The following ERGIC2 variants were observed in gnomAD, a reference collection of about 807,000 sequenced individuals.
ERGIC2 encodes endoplasmic reticulum-Golgi intermediate compartment protein 2.
ERGIC2 carries 31 observed loss-of-function variants against 52.5 expected under a neutral mutation model. The observed-to-expected ratio is 0.59, with a 90% CI of 0.44 to 0.80. The LOEUF (loss-of-function observed/expected upper bound fraction) is 0.80, where lower values mean the gene tolerates loss of function less well. Ranked by LOEUF, ERGIC2 falls within the 30% of genes least tolerant of loss-of-function variation. ERGIC2 has a pLI of 0.00. For synonymous variants in ERGIC2, 129 were observed against 140.6 expected (o/e 0.92, Z 0.58); for missense variants, 395 against 455.2 (o/e 0.87, Z 1.20).
intron 4 of ERGIC2, among the ~76,000 whole-genome samples, chr12:29,367,382 T>C (rs554244705): frequency 1.3e-5 from 2 of 151,818 alleles, no homozygotes; most frequent in Admixed American, 6.6e-5. Context: ...AATCAACAAA[T>C]AGGAAATTTT....
chr12:29,368,260 A>G lies in ERGIC2; in HGVS notation c.243T>C (p.Thr81=), dbSNP rs12831730. Residue 81 remains threonine, a synonymous_variant, in exon 4 of 14, where the codon ACT becomes ACC. Coordinates refer to ENST00000360150, the MANE Select transcript of ERGIC2 (RefSeq NM_016570.3). ...ACTTACATTGACACTTCATGGCAAC[A>G]GTAATATCTATATTAATTCTTAATT... The part of the protein sequence containing the change: ...SSKLRINIDI[T]VAMKCQYVGA... The G allele has an allele frequency of 0.14, 219,607 of 1,558,068 alleles. 16,326 individuals carry two copies. Among genetic ancestry groups the G allele is most frequent in the Middle Eastern group, 0.23 (1,333 of 5,904 alleles).
At chr12:29,352,807 C>A (rs1402577471) in intron 8 of ERGIC2, among the ~76,000 whole-genome samples, 1 of 151,146 alleles carries the variant, frequency 6.6e-6, no homozygotes, top group Non-Finnish European at 1.5e-5. Context: ...CTGTTATACA[C>A]TGTTATCTTT....
chr12:29,351,172 A>G (rs1417631276), intron 8 of ERGIC2, among the ~76,000 whole-genome samples: 1 of 152,140 alleles, frequency 6.6e-6, no homozygotes, highest in Non-Finnish European at 1.5e-5. Context: ...GGAAATGTCA[A>G]TATTTAGGTT....
At position 29,357,642 on chromosome 12, in the gene ERGIC2, A is replaced by G; in HGVS notation, c.457T>C (p.Ser153Pro). 6.3e-7 allele frequency: 1 copy of G among 1,579,534 alleles called. No homozygotes were observed. The change falls in exon 7 of 14, where the codon TCA (serine) becomes CCA (proline). Residue 153 changes from serine to proline, a missense_variant. By Grantham distance (74) the Ser-to-Pro change is moderately conservative (BLOSUM62 -1). Transcript: ENST00000360150. ...TCTCACCTTGGTGGAAGAGCTGTTG[A>G]TGTACTTTTAAAAGCACTTTTAAAT... The part of the protein sequence containing the change: ...VIFKSAFKST[S>P]TALPPREDDS...
At chr12:29,359,074 A>G (rs1403242596) in intron 6 of ERGIC2, among the ~76,000 whole-genome samples, 1 of 152,086 alleles carries the variant, frequency 6.6e-6, no homozygotes, top group Non-Finnish European at 1.5e-5. Context: ...AAAATTCTAG[A>G]AGTAAAGAAC....
chr12:29,361,919 G>A (rs1940292017), intron 5 of ERGIC2, among the ~76,000 whole-genome samples: 2 of 152,010 alleles, frequency 1.3e-5, no homozygotes, highest in South Asian at 2.1e-4. Flanking sequence ...TACAGTTATC[G>A]ACATTTACAG....
rs1237477773 is a variant in ERGIC2, at chr12:29,343,118, A to G, written c.988+2T>C. The G allele has an allele frequency of 1.3e-6, 2 of 1,585,778 alleles. No individual in the cohort carries two copies. Among genetic ancestry groups the G allele is most frequent in the African/African-American group, 2.7e-5 (2 of 73,940 alleles). ...TTAGACAAAAAGGAAATGGTTGTTA[A>G]CCTGTTGTTGAAAAGATTCCTCCAA... On this transcript the variant is annotated splice_donor_variant, in intron 12 of 13. Transcript: ENST00000360150. LOFTEE classifies it high-confidence loss of function.
Position 29,345,488 on chromosome 12 carries a change from T to C in ERGIC2, c.780A>G (p.Thr260=). 3 of 1,605,338 alleles carry C rather than the reference T, an allele frequency of 1.9e-6. No individual in the cohort carries two copies. The highest frequency in any genetic ancestry group is 1.7e-6 in the Non-Finnish European group (2 of 1,173,684). Residue 260 remains threonine, a synonymous_variant, in exon 11 of 14, where the codon ACA becomes ACG. Transcript: ENST00000360150. ...GATGGGTGTCTGCTGATATTTTATATGTATGTAGTTTTGTTGGCACAACTG... is the reference window on the plus strand; with the variant it reads ...GATGGGTGTCTGCTGATATTTTATACGTATGTAGTTTTGTTGGCACAACTG... The part of the protein sequence containing the change: ...FITVVPTKLH[T]YKISADTHQF...
rs1949814946 is a variant in ERGIC2 at position 29,338,636 on chromosome 12, C to T, written c.*2520G>A. The stretch of plus-strand genomic sequence containing the variant: ...TTCAGCCTGGGCAACAGTGCGAGAC[C>T]CCATCTCTTAAAAAAAAAAAGAGAA... On this transcript the variant is annotated 3_prime_UTR_variant, in exon 14 of 14. Coordinates refer to ENST00000360150, the MANE Select transcript of ERGIC2 (RefSeq NM_016570.3). The T allele has an allele frequency of 6.6e-6, 1 of 151,738 alleles. No homozygotes were observed. Among genetic ancestry groups the T allele is most frequent in the Middle Eastern group, 3.4e-3 (1 of 294 alleles). 9.4% of individuals were successfully genotyped at this position (151,738 alleles called of 1,614,324 possible).
chr12:29,379,630 T>C (rs762035963), intron 1 of ERGIC2, among the ~76,000 whole-genome samples: 1 of 152,188 alleles, frequency 6.6e-6, no homozygotes, highest in Non-Finnish European at 1.5e-5. Context: ...GTGCCAGGTA[T>C]TGTTCTAAAT....
rs140233439 is a variant in ERGIC2, at chr12:29,377,818, C to A, written c.-38+3297G>T. ...TAAATGCTTTACCAAAATTAAAATA[C>A]AGAATTCATGAACTTTTTATAGTCT... On this transcript the variant is annotated intron_variant, in intron 1 of 13. Coordinates refer to ENST00000360150, the MANE Select transcript of ERGIC2 (RefSeq NM_016570.3). 8.8e-3 allele frequency among the ~76,000 whole-genome samples: 1,346 copies of A among 152,310 alleles called. 9 individuals are homozygous for A. The highest frequency in any genetic ancestry group is 0.024 in the Middle Eastern group (7 of 294).
chr12:29,356,546 G>A lies in ERGIC2; in HGVS notation c.477-69C>T. The A allele has an allele frequency of 3.9e-6, 3 of 776,846 alleles. No individual in the cohort carries two copies. The South Asian group carries it at 5.6e-5, about 15-fold the overall frequency. 48.1% of individuals were successfully genotyped at this position (776,846 alleles called of 1,614,324 possible). A position where few individuals can be genotyped will look rare whatever the true frequency, so the allele number is the denominator to read the frequency against. ...TACCATTTTATGATGAGAAAAATGT[G>A]TATAGAAAAAAAAATCCCTAAAGAT... On this transcript the variant is annotated intron_variant, in intron 7 of 13. Coordinates refer to ENST00000360150, the MANE Select transcript of ERGIC2 (RefSeq NM_016570.3).
chr12:29,339,883 T>C lies in ERGIC2; in HGVS notation c.*1273A>G, dbSNP rs544618222. On this transcript the variant is annotated 3_prime_UTR_variant, in exon 14 of 14. Transcript: ENST00000360150. ...TTTGTTTCCCCATTTCCTTAAATGA[T>C]TTAAACTTTGAGGATTGGCTGCTGA... The C allele has an allele frequency of 2.6e-5, 4 of 152,324 alleles. No homozygotes were observed. Among genetic ancestry groups the C allele is most frequent in the Non-Finnish European group, 4.4e-5 (3 of 67,992 alleles). 9.4% of individuals were successfully genotyped at this position (152,324 alleles called of 1,614,324 possible). A position where few individuals can be genotyped will look rare whatever the true frequency, so the allele number is the denominator to read the frequency against.
chr12:29,354,726 G>A (rs1252560928), intron 8 of ERGIC2, among the ~76,000 whole-genome samples: 4 of 152,158 alleles, frequency 2.6e-5, no homozygotes, highest in Non-Finnish European at 5.9e-5. Context: ...GGGAAGGAAA[G>A]TGAAATTGTG....
At chr12:29,356,537 GA>G in intron 7 of ERGIC2, 60 bp from the exon 8 acceptor site, 2 of 854,426 alleles carry the variant, frequency 2.3e-6, no homozygotes, top group South Asian at 1.7e-5. Flanking sequence ...TTTATGATGA[GA>G]AAAATGTGTA....
intron 10 of ERGIC2, among the ~76,000 whole-genome samples, chr12:29,347,225 CTCTT>C: frequency 6.6e-6 from 1 of 152,194 alleles, no homozygotes; most frequent in East Asian, 1.9e-4. Context: ...GGCATTCTCT[CTCTT>C]AAACAGCTCT....
In ERGIC2 at chr12:29,370,106, A is replaced by T. The variant is rs983485799; in HGVS notation, c.215+8T>A. Reference sequence around the variant, plus strand: ...TAAAGGTATTCCAAGAAGAAAAAAAATGATTACCTAGAAAAATCCTTGTCT... The same window carrying T: ...TAAAGGTATTCCAAGAAGAAAAAAATTGATTACCTAGAAAAATCCTTGTCT... On this transcript the variant is annotated splice_region_variant and intron_variant, in intron 3 of 13. Transcript: ENST00000360150. The T allele has an allele frequency of 6.7e-7, 1 of 1,495,368 alleles. No homozygotes were observed. The highest frequency in any genetic ancestry group is 1.5e-5 in the African/African-American group (1 of 68,186). The allele number at this position is 1,495,368 out of a possible 1,614,324, so 92.6% of individuals were successfully genotyped here.
rs1158160614 is a variant in ERGIC2, at chr12:29,343,400, A to G, written c.826-118T>C. ...CCTGAAGCCCTACTGTAAAAGAAGGACATCCACATTTCCTTATGAACTGTC... is the reference window on the plus strand; with the variant it reads ...CCTGAAGCCCTACTGTAAAAGAAGGGCATCCACATTTCCTTATGAACTGTC... On this transcript the variant is annotated intron_variant, in intron 11 of 13. Transcript: ENST00000360150. The G allele has an allele frequency of 7.8e-6, 5 of 643,764 alleles. No individual in the cohort carries two copies. In the Admixed American group the frequency reaches 1.0e-4, roughly 13 times the overall value. 39.9% of individuals were successfully genotyped at this position (643,764 alleles called of 1,614,324 possible). A position where few individuals can be genotyped will look rare whatever the true frequency, so the allele number is the denominator to read the frequency against.
intron 12 of ERGIC2, 46 bp downstream of exon 12, chr12:29,343,074 T>TA (rs768487587): frequency 6.7e-7 from 1 of 1,497,806 alleles, no homozygotes; most frequent in South Asian, 1.3e-5. Context: ...AACTTAAGTA[T>TA]AAGCAACACT....
Sources: gnomAD v4.1 joint callset for allele counts (sites outside exome capture counted in the v4.1 genomes callset) on GRCh38, gnomAD v4.1.1 for gene constraint, MANE v1.5 for transcripts, NCBI Gene and HGNC (gene_info 2026-07-23, HGNC 2026-07-21) for gene names.